Variants in ERBB4 observed in about 807,000 individuals in gnomAD.
ERBB4 encodes receptor tyrosine-protein kinase erbB-4.
Under a neutral mutation model 158.0 loss-of-function variants are expected in ERBB4, and 42 were observed. That is an observed-to-expected ratio of 0.27 (90% CI 0.21 to 0.34). ERBB4 has a LOEUF of 0.34. Among genes scored for constraint, ERBB4 ranks in the 10% least tolerant of loss-of-function variants. The pLI is 1.00. For missense variants in ERBB4, 1,333 were observed against 1,624.1 expected, an observed-to-expected ratio of 0.82 and a Z score of 3.08; for synonymous variants, 583 against 558.7, an observed-to-expected ratio of 1.04 and a Z score of -0.61.
At chr2:211,982,855 G>A (rs1169508452) in intron 2 of ERBB4, among the ~76,000 whole-genome samples, 1 of 152,042 alleles carries the variant, frequency 6.6e-6, no homozygotes, top group Non-Finnish European at 1.5e-5. Flanking sequence ...TTACATTTTT[G>A]CTCTTTGCAA....
At chr2:212,531,855 CCT>C (rs1692773604) in intron 1 of ERBB4, among the ~76,000 whole-genome samples, 1 of 152,116 alleles carries the variant, frequency 6.6e-6, no homozygotes, top group African/African-American at 2.4e-5. Flanking sequence ...GTAAAGAAAT[CCT>C]CTTATAGAAC....
chr2:211,462,938 C>A (rs1025107282), intron 20 of ERBB4, among the ~76,000 whole-genome samples: 2 of 151,990 alleles, frequency 1.3e-5, no homozygotes, highest in Non-Finnish European at 2.9e-5. Context: ...CATCTAAGAC[C>A]ACAACAAAAA....
intron 1 of ERBB4, among the ~76,000 whole-genome samples, chr2:212,329,869 G>T (rs2088049103): frequency 6.6e-6 from 1 of 152,056 alleles, no homozygotes; most frequent in Admixed American, 6.6e-5. Context: ...AAATCTATCA[G>T]TCAGTATGCT....
chr2:212,329,783 A>C (rs2088043393), intron 1 of ERBB4, among the ~76,000 whole-genome samples: 1 of 152,116 alleles, frequency 6.6e-6, no homozygotes, highest in Admixed American at 6.6e-5. Flanking sequence ...ATTTATCAAG[A>C]TAATTTATAA....
Position 211,735,895 on chromosome 2 carries a change from G to C in ERBB4, c.623-10701C>G, listed in dbSNP as rs943913647. Among the ~76,000 whole-genome samples the C allele has an allele frequency of 2.6e-5, 4 of 151,930 alleles. No individual in the cohort carries two copies. In the East Asian group the frequency reaches 7.8e-4, roughly 30 times the overall value. The stretch of plus-strand genomic sequence containing the variant: ...AGGCCAAGCAGAGTGGCTCACGTCT[G>C]TAATCCCAGCACTTTGGGAGGCTGA... On this transcript the variant is annotated intron_variant, in intron 5 of 27. Transcript: ENST00000342788.
chr2:211,736,945 C>G (rs555728172), intron 5 of ERBB4, among the ~76,000 whole-genome samples: 1 of 152,192 alleles, frequency 6.6e-6, no homozygotes, highest in South Asian at 2.1e-4. Flanking sequence ...TCTCTCTGCT[C>G]AGGACAAAAG....
In ERBB4 at chr2:212,127,398, C is replaced by G. The variant is rs371763034; in HGVS notation, c.83-2495G>C. On this transcript the variant is annotated intron_variant, in intron 1 of 27. Transcript: ENST00000342788. Reference sequence around the variant, plus strand: ...ACGAGGTCAGGAGATCGAGACCATCCTGGTCAACACAGTGAAACCCCGTCT... The same window carrying G: ...ACGAGGTCAGGAGATCGAGACCATCGTGGTCAACACAGTGAAACCCCGTCT... Among the ~76,000 whole-genome samples the G allele has an allele frequency of 4.1e-4, 63 of 152,288 alleles. 1 individual carries two copies. The highest frequency in any genetic ancestry group is 1.5e-3 in the African/African-American group (61 of 41,572).
chr2:211,872,290 A>G (rs1279728334), intron 3 of ERBB4, among the ~76,000 whole-genome samples: 3 of 152,186 alleles, frequency 2.0e-5, no homozygotes, highest in Non-Finnish European at 4.4e-5. Flanking sequence ...GGGTTCAAGG[A>G]TGGATATAAA....
chr2:211,700,757 A>G (rs77547395), intron 12 of ERBB4, among the ~76,000 whole-genome samples: 5,840 of 152,212 alleles, frequency 0.038, 365 homozygotes, highest in African/African-American at 0.13. Context: ...AAACTCAATC[A>G]TTATTTATGT....
chr2:211,468,991 A>AG (rs962916785), intron 20 of ERBB4, among the ~76,000 whole-genome samples: 1 of 151,194 alleles, frequency 6.6e-6, no homozygotes, highest in Non-Finnish European at 1.5e-5. Context: ...TGTCTGGTAG[A>AG]GATGAGAAAG....
At chr2:212,214,659 G>GTAAATT (rs66559515) in intron 1 of ERBB4, among the ~76,000 whole-genome samples, 11,304 of 146,746 alleles carry the variant, frequency 0.077, 1,238 homozygotes, top group African/African-American at 0.25. Flanking sequence ...TGATGGAAGT[G>GTAAATT]TAAATTTGTA....
intron 22 of ERBB4, among the ~76,000 whole-genome samples, chr2:211,424,890 A>G (rs1048729563): frequency 1.3e-5 from 2 of 152,170 alleles, no homozygotes; most frequent in Non-Finnish European, 2.9e-5. Context: ...TATATAGTAC[A>G]TGTGAAGTAG....
chr2:212,394,454 A>G (rs757180936), intron 1 of ERBB4, among the ~76,000 whole-genome samples: 2 of 152,124 alleles, frequency 1.3e-5, no homozygotes, highest in Non-Finnish European at 2.9e-5. Flanking sequence ...CCTCAGATAT[A>G]ATAATAAAAC....
At chr2:211,562,645 A>C (rs1559298423) in intron 19 of ERBB4, among the ~76,000 whole-genome samples, 2 of 152,134 alleles carry the variant, frequency 1.3e-5, no homozygotes, top group African/African-American at 4.8e-5. Flanking sequence ...CATTTTAATA[A>C]GATATTTTGT....
At chr2:212,116,384 A>G (rs1193694152) in intron 2 of ERBB4, among the ~76,000 whole-genome samples, 1 of 152,118 alleles carries the variant, frequency 6.6e-6, no homozygotes. Context: ...CATTTTATTT[A>G]TAGTTTTTTA....
At chr2:212,439,319 G>A (rs1505377) in intron 1 of ERBB4, among the ~76,000 whole-genome samples, 24,664 of 152,052 alleles carry the variant, frequency 0.16, 2,541 homozygotes, top group Non-Finnish European at 0.23. Flanking sequence ...TCACTTCTAC[G>A]TTTGCAATAA....
At chr2:212,084,333 G>A (rs1042043440) in intron 2 of ERBB4, among the ~76,000 whole-genome samples, 6 of 151,952 alleles carry the variant, frequency 3.9e-5, no homozygotes, top group African/African-American at 7.2e-5. Flanking sequence ...CCCATGGAGT[G>A]CATCAGACAG....
intron 19 of ERBB4, among the ~76,000 whole-genome samples, chr2:211,566,779 ATACT>A (rs2067561760): frequency 6.6e-6 from 1 of 152,138 alleles, no homozygotes; most frequent in African/African-American, 2.4e-5. Flanking sequence ...ATTAAGTTAG[ATACT>A]TAAATATTAG....
chr2:211,378,514 C>G lies in ERBB4; in HGVS notation c.*5101G>C. 1 of 232,828 alleles carries G rather than the reference C, an allele frequency of 4.3e-6. No homozygotes were observed. Among genetic ancestry groups the G allele is most frequent in the Non-Finnish European group, 8.5e-6 (1 of 117,410 alleles). 14.4% of individuals were successfully genotyped at this position (232,828 alleles called of 1,614,324 possible). A position where few individuals can be genotyped will look rare whatever the true frequency, so the allele number is the denominator to read the frequency against. On this transcript the variant is annotated 3_prime_UTR_variant, in exon 28 of 28. Coordinates refer to ENST00000342788, the MANE Select transcript of ERBB4 (RefSeq NM_005235.3). Reference sequence around the variant, plus strand: ...CACTGCTAAAAGATATTTGCCCACACAAACACAAGGGCCCCTGGCCCGACA... The same window carrying G: ...CACTGCTAAAAGATATTTGCCCACAGAAACACAAGGGCCCCTGGCCCGACA...
Sources: gnomAD v4.1 joint callset for allele counts (sites outside exome capture counted in the v4.1 genomes callset) on GRCh38, gnomAD v4.1.1 for gene constraint, MANE v1.5 for transcripts, NCBI Gene and HGNC (gene_info 2026-07-23, HGNC 2026-07-21) for gene names.